STAB1: variants seen among roughly 807,000 people sequenced by gnomAD.
STAB1 encodes stabilin-1.
A neutral mutation model predicts 332.4 loss-of-function variants in STAB1; 250 were observed. That is an observed-to-expected ratio of 0.75 (90% CI 0.68 to 0.84). The LOEUF (loss-of-function observed/expected upper bound fraction) is 0.84, where lower values mean the gene tolerates loss of function less well. Ranked by LOEUF, STAB1 falls within the 40% of genes least tolerant of loss-of-function variation. STAB1 has a pLI of 0.00. For synonymous variants in STAB1, 1,475 were observed against 1,390.4 expected (o/e 1.06, Z -1.35); for missense variants, 3,249 against 3,489.7 (o/e 0.93, Z 1.74).
In STAB1 at chr3:52,522,477, G is replaced by A. The variant is rs780213241; in HGVS notation, c.6610+3G>A. 39 of 1,612,994 alleles carry A rather than the reference G, an allele frequency of 2.4e-5. No individual in the cohort carries two copies. The highest frequency in any genetic ancestry group is 3.3e-5 in the Admixed American group (2 of 60,002). ...GTGCACTGACCTGCACTTCCAGGGTGTGTCCCCCTGCCCACTCCCAGTACC... is the reference window on the plus strand; with the variant it reads ...GTGCACTGACCTGCACTTCCAGGGTATGTCCCCCTGCCCACTCCCAGTACC... On this transcript the variant is annotated splice_donor_region_variant and intron_variant, in intron 60 of 68. Transcript: ENST00000321725.
intron 36 of STAB1, 83 bp downstream of exon 36, chr3:52,515,128 C>G: frequency 6.5e-7 from 1 of 1,528,150 alleles, no homozygotes; most frequent in Non-Finnish European, 8.9e-7. Flanking sequence ...CACCCTCCAG[C>G]CCAGTTTTGC....
At position 52,516,215 on chromosome 3, in the gene STAB1, G is replaced by A. The variant is rs376761850; in HGVS notation, c.4121G>A (p.Arg1374His). The A allele has an allele frequency of 1.6e-5, 26 of 1,611,926 alleles. No individual in the cohort carries two copies. The highest frequency in any genetic ancestry group is 3.3e-5 in the Admixed American group (2 of 59,844). ...GCCTGTGAGGTGTGTGAGCTGGGCCGCTACGGGCCCAACTGCACCGGAGGT... is the reference window on the plus strand; with the variant it reads ...GCCTGTGAGGTGTGTGAGCTGGGCCACTACGGGCCCAACTGCACCGGAGGT... ...GTACEVCELG[R>H]YGPNCTGVCD... The change falls in exon 38 of 69, where the codon CGC (arginine) becomes CAC (histidine). Residue 1374 changes from arginine to histidine, a missense_variant. By Grantham distance (29) the Arg-to-His change is conservative. Transcript: ENST00000321725.
At position 52,506,156 on chromosome 3, in the gene STAB1, G is replaced by C. The variant is rs368678906; in HGVS notation, c.1750-14G>C. The C allele has an allele frequency of 4.4e-6, 7 of 1,607,918 alleles. No individual in the cohort carries two copies. In the African/African-American group the frequency reaches 5.3e-5, roughly 12 times the overall value. ...CCAGAGCCCAGCCTAAAGCCACACT[G>C]TCCCTTGCCCCAGCTGACCGTTGAG... On this transcript the variant is annotated splice_polypyrimidine_tract_variant and intron_variant, in intron 16 of 68. Coordinates refer to ENST00000321725, the MANE Select transcript of STAB1 (RefSeq NM_015136.3).
rs776134276 is a variant in STAB1 at position 52,512,336 on chromosome 3, C to G, written c.2884-5C>G. The G allele has an allele frequency of 9.3e-6, 15 of 1,612,918 alleles. No individual in the cohort carries two copies. The highest frequency in any genetic ancestry group is 1.2e-5 in the Non-Finnish European group (14 of 1,179,792). ...AATGGAGGCCCTTTCTCACTCCCAC[C>G]CCAGGCCACCTGCCGGGCAGTGGGG... On this transcript the variant is annotated splice_region_variant and splice_polypyrimidine_tract_variant and intron_variant, in intron 26 of 68. Transcript: ENST00000321725.
intron 34 of STAB1, 71 bp from the exon 35 acceptor site, chr3:52,514,630 C>T: frequency 6.2e-7 from 1 of 1,605,542 alleles, no homozygotes; most frequent in Non-Finnish European, 8.5e-7. Context: ...CCCTGGAGTA[C>T]TGCCTGACCT....
At position 52,501,123 on chromosome 3, in the gene STAB1, C is replaced by T. The variant is rs772155673; in HGVS notation, c.79-43C>T. ...CACTGAGGACAGGGTCAGGACTGGG[C>T]GTGGGGTCCAGGCCCCTGACCACAC... On this transcript the variant is annotated intron_variant, in intron 1 of 68. Transcript: ENST00000321725. The T allele has an allele frequency of 2.8e-5, 45 of 1,598,094 alleles. No homozygotes were observed. In the South Asian group the frequency reaches 4.3e-4, roughly 15 times the overall value.
chr3:52,499,816 G>A (rs979281049), intron 1 of STAB1, among the ~76,000 whole-genome samples: 15 of 142,342 alleles, frequency 1.1e-4, no homozygotes, highest in South Asian at 2.4e-4. Context: ...GGAGAATGGC[G>A]TGAACCCGGG....
At position 52,517,971 on chromosome 3, in the gene STAB1, G is replaced by A; in HGVS notation, c.4729G>A (p.Asp1577Asn). Residue 1577 changes from aspartate (D) to asparagine (N), a missense_variant, in exon 45 of 69, where the codon GAC becomes AAC. Physicochemically the swap from Asp to Asn is conservative, Grantham distance 23. Transcript: ENST00000321725. ...CTGCGACACAGCCCACACCGTGGGGGACGGCCTCACCTGCCGTGCCCGAGT... is the reference window on the plus strand; with the variant it reads ...CTGCGACACAGCCCACACCGTGGGGAACGGCCTCACCTGCCGTGCCCGAGT... ...CTCDTAHTVG[D>N]GLTCRARVGL... 3 of 1,607,742 alleles carry A rather than the reference G, an allele frequency of 1.9e-6. No homozygotes were observed. The highest frequency in any genetic ancestry group is 2.5e-6 in the Non-Finnish European group (3 of 1,178,504).
rs1186174959 is a variant in STAB1, at chr3:52,504,996, T to G, written c.1378-7T>G. ...GGGATCTGGCCAGACCTCTTGTGTC[T>G]CACCAGAAATACTCCTACAAGTACA... is the stretch of plus-strand genomic sequence containing the variant. On this transcript the variant is annotated splice_polypyrimidine_tract_variant and splice_region_variant and intron_variant, in intron 12 of 68. Coordinates refer to ENST00000321725, the MANE Select transcript of STAB1 (RefSeq NM_015136.3). 6.2e-7 allele frequency: 1 copy of G among 1,613,502 alleles called. No homozygotes were observed. Among genetic ancestry groups the G allele is most frequent in the African/African-American group, 1.3e-5 (1 of 74,900 alleles).
Position 52,505,047 on chromosome 3 carries a change from C to T in STAB1, c.1422C>T (p.Asn474=), listed in dbSNP as rs775869856. Residue 474 remains asparagine, a synonymous_variant, in exon 13 of 69, where the codon AAC becomes AAT. Transcript: ENST00000321725. ...KYKDQPQQTF[N]IYKANNIAAN... is the part of the protein sequence containing the mutation. ...AAGACCAGCCCCAGCAGACGTTCAA[C>T]ATCTACAAGGCCAACAACATAGCAG... 1 of 1,613,872 alleles carries T rather than the reference C, an allele frequency of 6.2e-7. No individual in the cohort carries two copies. The highest frequency in any genetic ancestry group is 2.2e-5 in the East Asian group (1 of 44,880).
rs201719784 is a variant in STAB1 at position 52,517,593 on chromosome 3, G to A, written c.4607G>A (p.Arg1536Gln). Residue 1536 changes from arginine (R) to glutamine (Q), a missense_variant, in exon 44 of 69, where the codon CGG becomes CAG. By Grantham distance (43) the Arg-to-Gln change is conservative (BLOSUM62 1). Coordinates refer to ENST00000321725, the MANE Select transcript of STAB1 (RefSeq NM_015136.3). ...GAGGGTTACAGCGGGGATGGCATCC[G>A]GACCTGCGAGCTCCTGGACCCCTGC... The part of the protein sequence containing the change: ...CREGYSGDGI[R>Q]TCELLDPCSK... The A allele has an allele frequency of 9.9e-5, 159 of 1,612,746 alleles. No homozygotes were observed. The highest frequency in any genetic ancestry group is 3.3e-4 in the Admixed American group (20 of 59,970).
Position 52,521,347 on chromosome 3 carries a change from T to A in STAB1, c.5909-14T>A. ...GCCCCTGGCCCCACCTCACTTCTCCTACCCCATCCCCAGCTTGCCCTGGCG... is the reference window on the plus strand; with the variant it reads ...GCCCCTGGCCCCACCTCACTTCTCCAACCCCATCCCCAGCTTGCCCTGGCG... On this transcript the variant is annotated splice_polypyrimidine_tract_variant and intron_variant, in intron 55 of 68. Coordinates refer to ENST00000321725, the MANE Select transcript of STAB1 (RefSeq NM_015136.3). 6.2e-7 allele frequency: 1 copy of A among 1,613,652 alleles called. No homozygotes were observed. The highest frequency in any genetic ancestry group is 8.5e-7 in the Non-Finnish European group (1 of 1,179,980).
At position 52,507,692 on chromosome 3, in the gene STAB1, C is replaced by T. The variant is rs1708977408; in HGVS notation, c.2052+17C>T. On this transcript the variant is annotated intron_variant, in intron 19 of 68. Coordinates refer to ENST00000321725, the MANE Select transcript of STAB1 (RefSeq NM_015136.3). ...GTGAAGCTGGTGAGCACACCTTGGC[C>T]CAGCTCTCAGGGCCTCCTGACTGCC... 1 of 1,613,438 alleles carries T rather than the reference C, an allele frequency of 6.2e-7. No homozygotes were observed. Among genetic ancestry groups the T allele is most frequent in the Non-Finnish European group, 8.5e-7 (1 of 1,179,996 alleles).
intron 16 of STAB1, 91 bp from the exon 17 acceptor site, chr3:52,506,078 AG>A: frequency 1.3e-6 from 2 of 1,511,872 alleles, no homozygotes; most frequent in Non-Finnish European, 1.8e-6. Flanking sequence ...CTAGGGACCA[AG>A]GGGGTGGCTG....
Position 52,501,624 on chromosome 3 carries a change from C to T in STAB1, c.216-14C>T, listed in dbSNP as rs763779698. 1.3e-6 allele frequency: 2 copies of T among 1,548,412 alleles called. No individual in the cohort carries two copies. The highest frequency in any genetic ancestry group is 1.2e-5 in the South Asian group (1 of 84,102). The stretch of plus-strand genomic sequence containing the variant: ...GGAGCCTTTTCCATCACCCTGCCCA[C>T]CCTCTGCCCCCAGCTACGAAGTACA... On this transcript the variant is annotated splice_polypyrimidine_tract_variant and intron_variant, in intron 2 of 68. Coordinates refer to ENST00000321725, the MANE Select transcript of STAB1 (RefSeq NM_015136.3).
In STAB1 at chr3:52,523,498, G is replaced by C. The variant is rs772564142; in HGVS notation, c.7212G>C (p.Gly2404=). 2 of 1,612,582 alleles carry C rather than the reference G, an allele frequency of 1.2e-6. No individual in the cohort carries two copies. The highest frequency in any genetic ancestry group is 2.2e-5 in the South Asian group (2 of 91,088). ...ATLLSANASQ[G]KLLPAHSGLS... The stretch of plus-strand genomic sequence containing the variant: ...TCCTAAGTGCCAACGCCAGCCAGGG[G>C]AAGTTGCTTCCGGCCCACTCAGGCC... The change falls in exon 65 of 69, where the codon GGG becomes GGC. Residue 2404 remains glycine, a synonymous_variant. Coordinates refer to ENST00000321725, the MANE Select transcript of STAB1 (RefSeq NM_015136.3).
In STAB1 at chr3:52,519,960, C is replaced by T. The variant is rs1330738911; in HGVS notation, c.5252C>T (p.Pro1751Leu). 1.3e-6 allele frequency: 2 copies of T among 1,586,378 alleles called. No homozygotes were observed. Among genetic ancestry groups the T allele is most frequent in the Admixed American group, 1.8e-5 (1 of 56,700 alleles). Residue 1751 changes from proline (P) to leucine (L), a missense_variant, in exon 51 of 69, where the codon CCC (proline) becomes CTC (leucine). Pro to Leu is a moderately conservative substitution (Grantham distance 98, BLOSUM62 -3). Coordinates refer to ENST00000321725, the MANE Select transcript of STAB1 (RefSeq NM_015136.3). The part of the protein sequence containing the change: ...SGLLKVAGLL[P>L]LLREASHRPF... ...CCCCACCAGGTGGCCGGCCTCCTGC[C>T]CCTGCTTCGAGAGGCATCCCATAGG... is the stretch of plus-strand genomic sequence containing the variant.
chr3:52,502,003 C>T lies in STAB1; in HGVS notation c.332-3C>T, dbSNP rs752751711. On this transcript the variant is annotated splice_region_variant and splice_polypyrimidine_tract_variant and intron_variant, in intron 3 of 68. Transcript: ENST00000321725. ...CAGAGCTGAGTACTGTGGGGGTCCA[C>T]AGAATGCCCTGGGGGCGCTGAGACC... 4 of 1,611,958 alleles carry T rather than the reference C, an allele frequency of 2.5e-6. No homozygotes were observed. The East Asian group carries it at 8.9e-5, about 36-fold the overall frequency.
At chr3:52,513,410 A>G (rs1054207075) in intron 30 of STAB1, among the ~76,000 whole-genome samples, 169 bp downstream of exon 30, 1 of 152,182 alleles carries the variant, frequency 6.6e-6, no homozygotes, top group Non-Finnish European at 1.5e-5. Flanking sequence ...GCTGATGGAC[A>G]CTGAGTCGCT....
Sources: gnomAD v4.1 joint callset for allele counts (sites outside exome capture counted in the v4.1 genomes callset) on GRCh38, gnomAD v4.1.1 for gene constraint, MANE v1.5 for transcripts, NCBI Gene and HGNC (gene_info 2026-07-23, HGNC 2026-07-21) for gene names.